SEC61A2: variants seen among roughly 807,000 people sequenced by gnomAD.
SEC61A2 encodes protein transport protein Sec61 subunit alpha isoform 2.
In SEC61A2, 28 loss-of-function variants were observed where a neutral mutation model predicts 59.9. The observed-to-expected ratio is 0.47, with a 90% CI of 0.35 to 0.64. The LOEUF (loss-of-function observed/expected upper bound fraction) is 0.64. SEC61A2 is among the 30% of genes least tolerant of loss of function. The pLI is 0.01. For synonymous variants in SEC61A2, 202 were observed against 214.4 expected (o/e 0.94, Z 0.50); for missense variants, 340 against 585.9 (o/e 0.58, Z 4.33).
chr10:12,167,485 A>T, downstream of SEC61A2: 1 of 495,220 alleles, frequency 2.0e-6, no homozygotes, highest in Non-Finnish European at 3.6e-6. Context: ...ACTTGCATTT[A>T]TATTCTTTGT....
At chr10:12,167,780 G>A (rs376827328), downstream of SEC61A2, 60 of 1,614,120 alleles carry the variant, frequency 3.7e-5, 1 homozygote, top group South Asian at 3.3e-4. Flanking sequence ...AGACCCTGGC[G>A]TCCACTGTGA....
At position 12,153,252 on chromosome 10, in the gene SEC61A2, G is replaced by A. The variant is rs1218403977; in HGVS notation, c.463-2526G>A. On this transcript the variant is annotated intron_variant, in intron 6 of 11. Transcript: ENST00000298428. This position sits in a 1 kb window ranked among gnomAD's most constrained non-coding sequence, Gnocchi z 5.2. ...TTCGTATGCTTTAGGCATTGTTGAG[G>A]TTATGGACAGGCCAATTGTTGCCTT... Among the ~76,000 whole-genome samples the A allele has an allele frequency of 6.6e-6, 1 of 152,146 alleles. No individual in the cohort carries two copies. The highest frequency in any genetic ancestry group is 1.9e-4 in the East Asian group (1 of 5,200).
At chr10:12,136,648 G>C (rs1427471134) in intron 3 of SEC61A2, among the ~76,000 whole-genome samples, 1 of 151,942 alleles carries the variant, frequency 6.6e-6, no homozygotes, top group African/African-American at 2.4e-5. Context: ...TTTATTTTTT[G>C]AGATGGAGTT....
intron 6 of SEC61A2, among the ~76,000 whole-genome samples, chr10:12,150,720 G>C (rs1321967020): frequency 6.6e-6 from 1 of 151,810 alleles, no homozygotes; most frequent in East Asian, 1.9e-4. Flanking sequence ...TTTTTTAAAT[G>C]GATGCTTAGG....
rs1054093729 is a variant in SEC61A2 at position 12,161,735 on chromosome 10, G to A, written c.1168-478G>A. Among the ~76,000 whole-genome samples, 16 of 151,974 alleles carry A rather than the reference G, an allele frequency of 1.1e-4. No individual in the cohort carries two copies. Among genetic ancestry groups the A allele is most frequent in the Admixed American group, 3.3e-4 (5 of 15,262 alleles). ...CAGCCTGGCGACAGAGCTAGACTCC[G>A]TCTCCAAAATAAATAAATAAATAGA... On this transcript the variant is annotated intron_variant, in intron 10 of 11. Transcript: ENST00000298428. The surrounding 1 kb of genome is among the most constrained non-coding windows in gnomAD (Gnocchi z 5.4).
In SEC61A2 at chr10:12,151,705, A is replaced by G. The variant is rs143042003; in HGVS notation, c.462+1744A>G. On this transcript the variant is annotated intron_variant, in intron 6 of 11. Transcript: ENST00000298428. ...ACCAGTTTATTAATATATACATAGA[A>G]GGAAATCTGACTGTCTCAGACTGGC... Among the ~76,000 whole-genome samples, 3 of 152,270 alleles carry G rather than the reference A, an allele frequency of 2.0e-5. No individual in the cohort carries two copies. The East Asian group carries it at 5.8e-4, about 29-fold the overall frequency.
chr10:12,169,285 G>C, downstream of SEC61A2: 8 of 1,553,918 alleles, frequency 5.1e-6, no homozygotes, highest in Non-Finnish European at 7.0e-6. The surrounding 1 kb of genome is among the most constrained non-coding windows in gnomAD (Gnocchi z 4.8). Context: ...GAAGGTGGAA[G>C]GGAGAAGGAA....
rs907887785 is a variant in SEC61A2 at position 12,161,901 on chromosome 10, C to T, written c.1168-312C>T. Among the ~76,000 whole-genome samples, 2 of 152,086 alleles carry T rather than the reference C, an allele frequency of 1.3e-5. No individual in the cohort carries two copies. The highest frequency in any genetic ancestry group is 4.8e-5 in the African/African-American group (2 of 41,400). ...TTTTAATGAGTCAGTGTCACCCCAA[C>T]AGGCTAAAAATTGGTTCCCAAAAGG... On this transcript the variant is annotated intron_variant, in intron 10 of 11. Coordinates refer to ENST00000298428, the MANE Select transcript of SEC61A2 (RefSeq NM_018144.4). The surrounding 1 kb of genome is among the most constrained non-coding windows in gnomAD (Gnocchi z 5.4).
Position 12,151,109 on chromosome 10 carries a change from A to G in SEC61A2, c.462+1148A>G, listed in dbSNP as rs190741976. 1.1e-4 allele frequency among the ~76,000 whole-genome samples: 16 copies of G among 150,982 alleles called. 1 individual carries two copies. The highest frequency in any genetic ancestry group is 3.2e-4 in the African/African-American group (13 of 40,444). ...TTAAAATATGTTAAGTTTGGAAGCT[A>G]TTTCTCTATTGTACAATCCTTAAAA... On this transcript the variant is annotated intron_variant, in intron 6 of 11. Coordinates refer to ENST00000298428, the MANE Select transcript of SEC61A2 (RefSeq NM_018144.4).
At chr10:12,146,695 T>A (rs1025981620) in intron 4 of SEC61A2, among the ~76,000 whole-genome samples, 4 of 151,808 alleles carry the variant, frequency 2.6e-5, no homozygotes, top group Middle Eastern at 3.4e-3. Context: ...TTTTTTGTAT[T>A]TTTTAGTACA....
chr10:12,169,075 TTAAAA>T (rs1834786351), downstream of SEC61A2, among the ~76,000 whole-genome samples: 2 of 152,216 alleles, frequency 1.3e-5, no homozygotes, highest in Admixed American at 1.3e-4. The surrounding 1 kb of genome is among the most constrained non-coding windows in gnomAD (Gnocchi z 4.8). Flanking sequence ...CAAACTGATC[TTAAAA>T]TGTAATACTT....
chr10:12,157,884 C>G (rs1834440873), intron 8 of SEC61A2, 24 bp from the exon 9 acceptor site: 2 of 1,610,600 alleles, frequency 1.2e-6, no homozygotes, highest in East Asian at 4.5e-5. Flanking sequence ...GGCTCCCCCA[C>G]TTACTCTCCG....
rs1833681543 is a variant in SEC61A2 at position 12,129,736 on chromosome 10, C to T, written c.-52C>T. 2 of 1,482,136 alleles carry T rather than the reference C, an allele frequency of 1.3e-6. No individual in the cohort carries two copies. Among genetic ancestry groups the T allele is most frequent in the Non-Finnish European group, 1.8e-6 (2 of 1,119,940 alleles). The allele number at this position is 1,482,136 out of a possible 1,614,324, so 91.8% of individuals were successfully genotyped here. A position where few individuals can be genotyped will look rare whatever the true frequency, so the allele number is the denominator to read the frequency against. ...CGAGGCCCGAGCCGCGGGAGTCGAG[C>T]GAAGGCAGCGCCGAGGCCGCGGTTT... is the stretch of plus-strand genomic sequence containing the variant. On this transcript the variant is annotated 5_prime_UTR_variant, in exon 1 of 12. Coordinates refer to ENST00000298428, the MANE Select transcript of SEC61A2 (RefSeq NM_018144.4). The surrounding 1 kb of genome is among the most constrained non-coding windows in gnomAD (Gnocchi z 5.6).
intron 4 of SEC61A2, among the ~76,000 whole-genome samples, chr10:12,144,306 C>T (rs1564410139): frequency 2.0e-5 from 3 of 152,080 alleles, no homozygotes; most frequent in Non-Finnish European, 4.4e-5. Flanking sequence ...CAATTGAGGC[C>T]TTTTCTTTGC....
At chr10:12,141,091 G>A (rs889328478) in intron 3 of SEC61A2, among the ~76,000 whole-genome samples, 1 of 152,100 alleles carries the variant, frequency 6.6e-6, no homozygotes, top group African/African-American at 2.4e-5. Flanking sequence ...GTAGAGATGG[G>A]GTTTCACCAT....
chr10:12,164,288 C>T lies in SEC61A2; in HGVS notation c.1265C>T (p.Ala422Val). The T allele has an allele frequency of 1.2e-6, 2 of 1,613,316 alleles. No individual in the cohort carries two copies. Among genetic ancestry groups the T allele is most frequent in the Non-Finnish European group, 8.5e-7 (1 of 1,179,998 alleles). The change falls in exon 12 of 12, where the codon GCG becomes GTG. Residue 422 changes from alanine (A) to valine (V), a missense_variant. By Grantham distance (64) the Ala-to-Val change is moderately conservative (BLOSUM62 0). Coordinates refer to ENST00000298428, the MANE Select transcript of SEC61A2 (RefSeq NM_018144.4). The surrounding 1 kb of genome is among the most constrained non-coding windows in gnomAD (Gnocchi z 7.3). ...CCTAGGTACATCCCCACCGCAGCTGCGTTTGGCGGTTTGTGCATTGGCGCC... is the reference window on the plus strand; with the variant it reads ...CCTAGGTACATCCCCACCGCAGCTGTGTTTGGCGGTTTGTGCATTGGCGCC... ...ELNRYIPTAA[A>V]FGGLCIGALS...
intron 3 of SEC61A2, among the ~76,000 whole-genome samples, chr10:12,140,776 A>AT (rs1834000313): frequency 6.6e-6 from 1 of 151,422 alleles, no homozygotes; most frequent in Non-Finnish European, 1.5e-5. Flanking sequence ...TTTTGTGTGT[A>AT]TTTTTAGTAG....
In SEC61A2 at chr10:12,164,615, C is replaced by A. The variant is rs1564418381; in HGVS notation, c.*161C>A. On this transcript the variant is annotated 3_prime_UTR_variant, in exon 12 of 12. Coordinates refer to ENST00000298428, the MANE Select transcript of SEC61A2 (RefSeq NM_018144.4). This position sits in a 1 kb window ranked among gnomAD's most constrained non-coding sequence, Gnocchi z 7.3. ...ATGGGCACCGAGCTAAGTCTGTGTG[C>A]AGCATTAGTACCCGCTGCCTTAAAA... The A allele has an allele frequency of 2.8e-6, 4 of 1,428,872 alleles. No individual in the cohort carries two copies. Among genetic ancestry groups the A allele is most frequent in the Non-Finnish European group, 3.6e-6 (4 of 1,097,694 alleles). The allele number at this position is 1,428,872 out of a possible 1,614,324, so 88.5% of individuals were successfully genotyped here. A position where few individuals can be genotyped will look rare whatever the true frequency, so the allele number is the denominator to read the frequency against.
chr10:12,133,190 C>CT (rs1173546331), intron 1 of SEC61A2, 51 bp from the exon 2 acceptor site: 3 of 926,334 alleles, frequency 3.2e-6, no homozygotes, highest in Non-Finnish European at 5.0e-6. Flanking sequence ...AAAGACAGAT[C>CT]TTTTTTTAAC....
Sources: gnomAD v4.1 joint callset for allele counts (sites outside exome capture counted in the v4.1 genomes callset) on GRCh38, gnomAD v4.1.1 for gene constraint, Gnocchi (gnomAD v3.1) non-coding constraint, MANE v1.5 for transcripts, NCBI Gene and HGNC (gene_info 2026-07-23, HGNC 2026-07-21) for gene names.